The following MGAT4C variants were observed in gnomAD, a reference collection of about 807,000 sequenced individuals.
MGAT4C encodes the protein alpha-1,3-mannosyl-glycoprotein 4-beta-N-acetylglucosaminyltransferase C.
Under a neutral mutation model 40.1 loss-of-function variants are expected in MGAT4C, and 19 were observed. The ratio of observed to expected loss-of-function variants is 0.47; its 90% CI spans 0.33 to 0.70. The LOEUF (loss-of-function observed/expected upper bound fraction) is 0.70, where lower values mean the gene tolerates loss of function less well. Among genes scored for constraint, MGAT4C ranks in the 30% least tolerant of loss-of-function variants. The pLI is 0.02. For synonymous variants in MGAT4C, 181 were observed against 187.1 expected, an observed-to-expected ratio of 0.97 and a Z score of 0.27; for missense variants, 491 against 563.2, an observed-to-expected ratio of 0.87 and a Z score of 1.30.
At position 86,584,523 on chromosome 12, in the gene MGAT4C, T is replaced by C. The variant is rs567423939; in HGVS notation, c.-229+142686A>G. ...AATATTTACATTTGATCCCAGAGTA[T>C]TGACTTACCAGAATTTAATATTTCT... On this transcript the variant is annotated intron_variant, in intron 2 of 7. Coordinates refer to the MGAT4C transcript ENST00000548651. Among the ~76,000 whole-genome samples the C allele has an allele frequency of 2.6e-5, 4 of 151,326 alleles. No individual in the cohort carries two copies. In the East Asian group the frequency reaches 5.8e-4, roughly 22 times the overall value.
rs778153098 is a variant in MGAT4C, at chr12:85,964,133, T to G, written c.*15156A>C. The G allele has an allele frequency of 2.0e-5, 3 of 152,056 alleles. No individual in the cohort carries two copies. Among genetic ancestry groups the G allele is most frequent in the Admixed American group, 6.5e-5 (1 of 15,272 alleles). 9.4% of individuals were successfully genotyped at this position (152,056 alleles called of 1,614,324 possible). On this transcript the variant is annotated 3_prime_UTR_variant, in exon 5 of 5. Transcript: ENST00000611864. ...ACCCAACATCAGGATTTATCAAATA[T>G]ATGAAAAATTATGAAAGATTATAAA...
chr12:86,758,378 T>G (rs1951343322), intron 1 of MGAT4C, among the ~76,000 whole-genome samples: 1 of 121,516 alleles, frequency 8.2e-6, no homozygotes, highest in Non-Finnish European at 1.8e-5. Flanking sequence ...CCGAATCCTT[T>G]TTTTTTTTTT....
In MGAT4C at chr12:86,332,728, C is replaced by T. The variant is rs558857914; in HGVS notation, c.-57+1337G>A. On this transcript the variant is annotated intron_variant, in intron 4 of 7. Coordinates refer to the MGAT4C transcript ENST00000548651. ...TAAATTAATGAGCTTAAGTAAATAT[C>T]CTTTTGTTTAAATAAATAAAGGAGC... Among the ~76,000 whole-genome samples, 3 of 151,908 alleles carry T rather than the reference C, an allele frequency of 2.0e-5. No individual in the cohort carries two copies. In the East Asian group the frequency reaches 5.8e-4, roughly 29 times the overall value.
chr12:86,735,782 C>G (rs139204688), intron 1 of MGAT4C, among the ~76,000 whole-genome samples: 1 of 151,802 alleles, frequency 6.6e-6, no homozygotes, highest in African/African-American at 2.4e-5. Flanking sequence ...ATCCTCCCAC[C>G]ACCTACATGT....
intron 2 of MGAT4C, among the ~76,000 whole-genome samples, chr12:86,446,492 T>C (rs1052795232): frequency 2.6e-5 from 4 of 151,486 alleles, no homozygotes; most frequent in Non-Finnish European, 5.9e-5. Context: ...GCAAAATGAA[T>C]GTCTTAAAGA....
At chr12:85,993,716 T>G (rs1242248492) in intron 2 of MGAT4C, among the ~76,000 whole-genome samples, 1 of 151,978 alleles carries the variant, frequency 6.6e-6, no homozygotes, top group Admixed American at 6.5e-5. Flanking sequence ...ACCTCAGTAT[T>G]TTGCAGTGGG....
Position 85,957,657 on chromosome 12 carries a change from C to CAAAAAAAAAAAAAAAA in MGAT4C, c.*21616_*21631dup, listed in dbSNP as rs5799763. 2.0e-4 allele frequency: 20 copies of CAAAAAAAAAAAAAAAA among 101,254 alleles called. No individual in the cohort carries two copies. Among genetic ancestry groups the CAAAAAAAAAAAAAAAA allele is most frequent in the Non-Finnish European group, 3.2e-4 (17 of 52,696 alleles). 6.3% of individuals were successfully genotyped at this position (101,254 alleles called of 1,614,324 possible). ...TTTACTGTAGAGTTGAATAAGAAAG[C>CAAAAAAAAAAAAAAAA]AAAAAAAAAAAAAAAAGAAAAAAGA... is the stretch of plus-strand genomic sequence containing the variant. On this transcript the variant is annotated 3_prime_UTR_variant, in exon 5 of 5. Coordinates refer to ENST00000611864, the MANE Select transcript of MGAT4C (RefSeq NM_001351288.2).
At chr12:86,239,259 T>G (rs969013465) in intron 1 of MGAT4C, among the ~76,000 whole-genome samples, 2 of 152,084 alleles carry the variant, frequency 1.3e-5, no homozygotes, top group African/African-American at 2.4e-5. Flanking sequence ...AATCTGGCTT[T>G]GATAACATGA....
intron 1 of MGAT4C, among the ~76,000 whole-genome samples, chr12:86,769,546 C>T (rs867901024): frequency 6.6e-6 from 1 of 152,158 alleles, no homozygotes. Flanking sequence ...AATCATGCTG[C>T]TATAAAGACA....
At chr12:86,731,667 A>G (rs1950910791) in intron 1 of MGAT4C, among the ~76,000 whole-genome samples, 1 of 152,028 alleles carries the variant, frequency 6.6e-6, no homozygotes, top group Non-Finnish European at 1.5e-5. Flanking sequence ...TCTTTAGTAT[A>G]AATTTATATT....
intron 1 of MGAT4C, among the ~76,000 whole-genome samples, chr12:86,163,769 T>C (rs1413530758): frequency 6.6e-6 from 1 of 152,216 alleles, no homozygotes; most frequent in Non-Finnish European, 1.5e-5. Context: ...CATGAACCAC[T>C]GAACCCTTAT....
intron 4 of MGAT4C, among the ~76,000 whole-genome samples, chr12:86,301,750 A>G (rs1953817648): frequency 6.6e-6 from 1 of 152,212 alleles, no homozygotes; most frequent in African/African-American, 2.4e-5. Flanking sequence ...ATATCATGCC[A>G]TATTTCTTCA....
intron 2 of MGAT4C, among the ~76,000 whole-genome samples, chr12:86,498,845 C>T (rs530267429): frequency 4.0e-5 from 6 of 151,832 alleles, no homozygotes; most frequent in Non-Finnish European, 5.9e-5. Flanking sequence ...CTGTAAACAT[C>T]GAATAACATC....
intron 2 of MGAT4C, among the ~76,000 whole-genome samples, chr12:86,548,386 C>T (rs1257480081): frequency 1.3e-5 from 2 of 151,810 alleles, no homozygotes; most frequent in Admixed American, 6.6e-5. Flanking sequence ...TAATATATTC[C>T]CCTTAAGTGA....
intron 2 of MGAT4C, among the ~76,000 whole-genome samples, chr12:86,512,990 T>A (rs1958619824): frequency 6.6e-6 from 1 of 152,106 alleles, no homozygotes; most frequent in South Asian, 2.1e-4. Flanking sequence ...CTGGGAATGG[T>A]AAACCTGTGA....
intron 1 of MGAT4C, among the ~76,000 whole-genome samples, chr12:86,248,024 G>A (rs1358611718): frequency 6.6e-6 from 1 of 151,988 alleles, no homozygotes; most frequent in Non-Finnish European, 1.5e-5. Context: ...CTTATTCAAA[G>A]GCTCTTTGAT....
rs1238323670 is a variant in MGAT4C, at chr12:85,989,412, A to G, written c.135T>C (p.Asp45=). 3.1e-6 allele frequency: 5 copies of G among 1,600,296 alleles called. No homozygotes were observed. The highest frequency in any genetic ancestry group is 4.3e-6 in the Non-Finnish European group (5 of 1,174,438). Residue 45 remains aspartate (D), a synonymous_variant, in exon 3 of 5, where the codon GAT becomes GAC. Coordinates refer to ENST00000611864, the MANE Select transcript of MGAT4C (RefSeq NM_001351288.2). ...CTCCCAAACTTACCAGAACATAGCT[A>G]TCTTCAATGTACAAGTTCATAAAAA... is the stretch of plus-strand genomic sequence containing the variant. ...FLLFMNLYIE[D]SYVLEGDKQL...
chr12:86,759,670 T>C (rs1023160630), intron 1 of MGAT4C, among the ~76,000 whole-genome samples: 21 of 152,126 alleles, frequency 1.4e-4, no homozygotes, highest in African/African-American at 5.1e-4. Context: ...CTGTTGGCCA[T>C]GTGTATTTCT....
At chr12:86,498,863 G>A (rs1250703766) in intron 2 of MGAT4C, among the ~76,000 whole-genome samples, 1 of 151,792 alleles carries the variant, frequency 6.6e-6, no homozygotes, top group Non-Finnish European at 1.5e-5. Flanking sequence ...ATCATGGGAC[G>A]TATAAGAAAT....
Sources: gnomAD v4.1 joint callset for allele counts (sites outside exome capture counted in the v4.1 genomes callset) on GRCh38, gnomAD v4.1.1 for gene constraint, MANE v1.5 for transcripts, NCBI Gene and HGNC (gene_info 2026-07-23, HGNC 2026-07-21) for gene names.